The following CACNA2D1 variants were observed in gnomAD, a reference collection of about 807,000 sequenced individuals.
CACNA2D1 encodes the protein calcium voltage-gated channel auxiliary subunit alpha2delta 1.
A neutral mutation model predicts 171.5 loss-of-function variants in CACNA2D1; 53 were observed. That is an observed-to-expected ratio of 0.31 (90% CI 0.25 to 0.39). CACNA2D1 has a LOEUF of 0.39. Ranked by LOEUF, CACNA2D1 falls within the 10% of genes least tolerant of loss-of-function variation. The probability of loss-of-function intolerance (pLI) is 1.00; values close to 1 mark genes in which losing one functional copy is unlikely to be tolerated. For synonymous variants in CACNA2D1, 442 were observed against 443.1 expected, an observed-to-expected ratio of 1.00 and a Z score of 0.03; for missense variants, 903 against 1,299.8, an observed-to-expected ratio of 0.69 and a Z score of 4.69.
intron 18 of CACNA2D1, 91 bp from the exon 19 acceptor site, chr7:81,997,341 C>A (rs1345666330): frequency 7.7e-6 from 6 of 776,808 alleles, no homozygotes; most frequent in Non-Finnish European, 1.2e-5. Flanking sequence ...TGAAATTGTG[C>A]AAAAATTACC....
chr7:81,999,394 A>G (rs1185168667), intron 18 of CACNA2D1, among the ~76,000 whole-genome samples: 3 of 152,210 alleles, frequency 2.0e-5, no homozygotes, highest in African/African-American at 7.2e-5. Context: ...TTTTTGTCTG[A>G]TATTAAAATA....
At chr7:82,220,236 T>C (rs1801600479) in intron 3 of CACNA2D1, among the ~76,000 whole-genome samples, 1 of 152,198 alleles carries the variant, frequency 6.6e-6, no homozygotes, top group African/African-American at 2.4e-5. Flanking sequence ...AACTTAATTA[T>C]GTAGGTCTGA....
intron 7 of CACNA2D1, among the ~76,000 whole-genome samples, chr7:82,080,098 T>G (rs1054833770): frequency 4.0e-5 from 6 of 149,890 alleles, no homozygotes; most frequent in African/African-American, 1.5e-4. Context: ...TGTATAGATG[T>G]GTGTATATAT....
chr7:82,185,249 G>A, intron 3 of CACNA2D1, among the ~76,000 whole-genome samples: 1 of 151,368 alleles, frequency 6.6e-6, no homozygotes. Context: ...TAAATTAGTA[G>A]CATCCTTTTA....
intron 18 of CACNA2D1, among the ~76,000 whole-genome samples, chr7:81,997,918 C>T (rs1798209396): frequency 6.6e-6 from 1 of 151,788 alleles, no homozygotes; most frequent in Non-Finnish European, 1.5e-5. Context: ...AGGATAATAA[C>T]CCCTGGGTTC....
At chr7:82,401,877 C>G (rs75920810) in intron 1 of CACNA2D1, among the ~76,000 whole-genome samples, 4,409 of 151,898 alleles carry the variant, frequency 0.029, 145 homozygotes, top group East Asian at 0.12. Flanking sequence ...AATAGGTAAA[C>G]CATATAGTGT....
intron 3 of CACNA2D1, among the ~76,000 whole-genome samples, chr7:82,251,398 T>C (rs750534589): frequency 1.3e-5 from 2 of 152,220 alleles, no homozygotes; most frequent in Non-Finnish European, 2.9e-5. Flanking sequence ...TATACATTGC[T>C]GTAGGCTTCT....
At chr7:82,116,624 A>G (rs1004907137) in intron 6 of CACNA2D1, among the ~76,000 whole-genome samples, 3 of 152,234 alleles carry the variant, frequency 2.0e-5, no homozygotes, top group Admixed American at 1.3e-4. Context: ...ATGAGAAGTC[A>G]TAAGAACTGG....
chr7:82,258,271 T>C (rs993011624), intron 3 of CACNA2D1, among the ~76,000 whole-genome samples: 2 of 151,924 alleles, frequency 1.3e-5, no homozygotes, highest in African/African-American at 2.4e-5. Flanking sequence ...TACAGTTCTC[T>C]TTTTCACCTA....
rs1809179950 is a variant in CACNA2D1, at chr7:82,077,775, A to AAT, written c.658+6993_658+6994insAT. 2.0e-5 allele frequency among the ~76,000 whole-genome samples: 3 copies of AAT among 148,350 alleles called. No individual in the cohort carries two copies. In the South Asian group the frequency reaches 6.5e-4, roughly 32 times the overall value. ...ATGTTAAAGTAAAAAAAAAAAAAAAATCAGGCATTTTTAGAGAAAACCAAA... is the reference window on the plus strand; with the variant it reads ...ATGTTAAAGTAAAAAAAAAAAAAAAAATTCAGGCATTTTTAGAGAAAACCAAA... On this transcript the variant is annotated intron_variant, in intron 7 of 38. Transcript: ENST00000356860.
chr7:82,257,947 G>A (rs952953813), intron 3 of CACNA2D1, among the ~76,000 whole-genome samples: 3 of 152,188 alleles, frequency 2.0e-5, no homozygotes, highest in Non-Finnish European at 4.4e-5. Context: ...AGTCAGTAAC[G>A]TGGAAGAGAA....
At chr7:82,357,472 C>T (rs989542903) in intron 1 of CACNA2D1, among the ~76,000 whole-genome samples, 7 of 152,132 alleles carry the variant, frequency 4.6e-5, no homozygotes, top group Admixed American at 2.0e-4. Flanking sequence ...AAAATGATAG[C>T]TAAGAATTGT....
chr7:82,068,283 A>T (rs899227230), intron 7 of CACNA2D1, among the ~76,000 whole-genome samples: 4 of 151,898 alleles, frequency 2.6e-5, no homozygotes, highest in African/African-American at 4.8e-5. Flanking sequence ...TTTGTAGAGG[A>T]GAGCTTACAA....
intron 12 of CACNA2D1, among the ~76,000 whole-genome samples, chr7:82,022,222 AACACACACACAC>A (rs71520795): frequency 6.9e-6 from 1 of 145,872 alleles, no homozygotes; most frequent in East Asian, 2.0e-4. Context: ...CAGAGACAAG[AACACACACACAC>A]ACACACACAC....
At chr7:82,245,138 T>C (rs574554534) in intron 3 of CACNA2D1, among the ~76,000 whole-genome samples, 15 of 152,256 alleles carry the variant, frequency 9.9e-5, no homozygotes, top group African/African-American at 3.4e-4. Context: ...TCCTCCACCA[T>C]ATATGGAGCA....
intron 3 of CACNA2D1, among the ~76,000 whole-genome samples, chr7:82,258,069 A>G (rs1806512613): frequency 2.0e-5 from 3 of 152,184 alleles, no homozygotes; most frequent in Admixed American, 1.3e-4. Flanking sequence ...TACAGAAGAA[A>G]GGACACTTTT....
intron 38 of CACNA2D1, among the ~76,000 whole-genome samples, chr7:81,951,972 T>TTTTTTG (rs1792606765): frequency 6.9e-6 from 1 of 145,948 alleles, no homozygotes; most frequent in East Asian, 2.0e-4. Flanking sequence ...ACAAAGTGTT[T>TTTTTTG]TTTTTTTTTT....
At chr7:82,148,107 G>C (rs1372988032) in intron 4 of CACNA2D1, among the ~76,000 whole-genome samples, 8 of 152,074 alleles carry the variant, frequency 5.3e-5, no homozygotes, top group Admixed American at 5.2e-4. Flanking sequence ...TAATCAAATA[G>C]AATAATTAAC....
chr7:82,054,940 A>G (rs1291661886), intron 10 of CACNA2D1, among the ~76,000 whole-genome samples: 4 of 152,188 alleles, frequency 2.6e-5, no homozygotes, highest in Non-Finnish European at 4.4e-5. Flanking sequence ...CACTGAAGAA[A>G]ATGATAGCCT....
Sources: gnomAD v4.1 joint callset for allele counts (sites outside exome capture counted in the v4.1 genomes callset) on GRCh38, gnomAD v4.1.1 for gene constraint, MANE v1.5 for transcripts, NCBI Gene and HGNC (gene_info 2026-07-23, HGNC 2026-07-21) for gene names.